PTPRN2: variants seen among roughly 807,000 people sequenced by gnomAD.
PTPRN2 encodes protein tyrosine phosphatase receptor type N2, also known as receptor-type tyrosine-protein phosphatase N2.
A neutral mutation model predicts 118.8 loss-of-function variants in PTPRN2; 74 were observed. That is an observed-to-expected ratio of 0.62 (90% CI 0.52 to 0.76). The LOEUF is 0.76. Ranked by LOEUF, PTPRN2 falls within the 30% of genes least tolerant of loss-of-function variation. The pLI, the probability that PTPRN2 is intolerant of heterozygous loss-of-function variation, is 0.00. For missense variants in PTPRN2, 1,481 were observed against 1,394.4 expected, an observed-to-expected ratio of 1.06 and a Z score of -0.99; for synonymous variants, 641 against 608.0, an observed-to-expected ratio of 1.05 and a Z score of -0.80.
rs1157415408 is a variant in PTPRN2 at position 158,127,292 on chromosome 7, T to TGCG, written c.1556+6384_1556+6385insCGC. Among the ~76,000 whole-genome samples, 1,424 of 149,910 alleles carry TGCG rather than the reference T, an allele frequency of 9.5e-3. 22 individuals are homozygous for TGCG. Among genetic ancestry groups the TGCG allele is most frequent in the African/African-American group, 0.033 (1,332 of 40,096 alleles). ...CTCATCCGTGCACCTGTGCCCTGCG[T>TGCG]CCTCCTCTGCGTGCACCCTGCGTCC... On this transcript the variant is annotated intron_variant, in intron 9 of 22. Coordinates refer to ENST00000389418, the MANE Select transcript of PTPRN2 (RefSeq NM_002847.5).
chr7:158,465,312 C>T (rs1038440020), intron 2 of PTPRN2, among the ~76,000 whole-genome samples: 6 of 152,336 alleles, frequency 3.9e-5, no homozygotes, highest in African/African-American at 1.2e-4. Context: ...TTTCCCACCC[C>T]GTGACCCCTT....
chr7:158,081,866 G>T (rs1245954003), intron 10 of PTPRN2, among the ~76,000 whole-genome samples: 1 of 152,076 alleles, frequency 6.6e-6, no homozygotes, highest in Non-Finnish European at 1.5e-5. Flanking sequence ...TTGCTAGACA[G>T]GAATTATCAA....
rs34750776 is a variant in PTPRN2, at chr7:157,587,274, G to GCAGACAGACAGGCAGA, written c.2496+7963_2496+7964insTCTGCCTGTCTGTCTG. ...GGCAGACAGACAGGCAGACAAACAG[G>GCAGACAGACAGGCAGA]CAGACAGGCAGACGAGCCACTGGTG... is the stretch of plus-strand genomic sequence containing the variant. On this transcript the variant is annotated intron_variant, in intron 17 of 22. Coordinates refer to ENST00000389418, the MANE Select transcript of PTPRN2 (RefSeq NM_002847.5). This position sits in a 1 kb window ranked among gnomAD's most constrained non-coding sequence, Gnocchi z 5.3. 5.3e-5 allele frequency among the ~76,000 whole-genome samples: 8 copies of GCAGACAGACAGGCAGA among 151,084 alleles called. No homozygotes were observed. Among genetic ancestry groups the GCAGACAGACAGGCAGA allele is most frequent in the African/African-American group, 1.7e-4 (7 of 40,752 alleles).
At chr7:157,875,210 A>C (rs1018585064) in intron 12 of PTPRN2, among the ~76,000 whole-genome samples, 2 of 152,180 alleles carry the variant, frequency 1.3e-5, no homozygotes, top group Non-Finnish European at 2.9e-5. Context: ...TTTGCTGCAA[A>C]GTTTTCCTAA....
intron 12 of PTPRN2, among the ~76,000 whole-genome samples, chr7:157,812,891 G>A (rs1238219721): frequency 6.6e-6 from 1 of 152,112 alleles, no homozygotes; most frequent in Non-Finnish European, 1.5e-5. Flanking sequence ...GTTAGGATGT[G>A]GAAAACTCGC....
At position 157,690,975 on chromosome 7, in the gene PTPRN2, C is replaced by T. The variant is rs1797455792; in HGVS notation, c.1789-8038G>A. Among the ~76,000 whole-genome samples, 1 of 145,176 alleles carries T rather than the reference C, an allele frequency of 6.9e-6. No homozygotes were observed. The highest frequency in any genetic ancestry group is 2.5e-5 in the African/African-American group (1 of 40,032). ...GCCGCGCGCGTAGCACCAACCAGCG[C>T]GGCCGCCGCGCCCCGCCTTATATCC... is the stretch of plus-strand genomic sequence containing the variant. On this transcript the variant is annotated intron_variant, in intron 12 of 22. Transcript: ENST00000389418. The surrounding 1 kb of genome is among the most constrained non-coding windows in gnomAD (Gnocchi z 7.1).
chr7:157,781,245 G>A (rs1052652671), intron 12 of PTPRN2, among the ~76,000 whole-genome samples: 2 of 152,158 alleles, frequency 1.3e-5, no homozygotes, highest in African/African-American at 2.4e-5. Context: ...ATTACACATG[G>A]GCTAGTGTTA....
chr7:158,484,233 A>G (rs960383583), intron 2 of PTPRN2, among the ~76,000 whole-genome samples: 6 of 152,174 alleles, frequency 3.9e-5, no homozygotes, highest in African/African-American at 9.7e-5. Context: ...GCCTCTCAGT[A>G]CCACCAAAGG....
chr7:157,684,118 A>T (rs745892434), intron 12 of PTPRN2, among the ~76,000 whole-genome samples: 2 of 151,960 alleles, frequency 1.3e-5, no homozygotes, highest in Non-Finnish European at 2.9e-5. Flanking sequence ...TTTATCTTGT[A>T]ATCATAAAGG....
chr7:158,182,034 GAT>G (rs1824753380), intron 5 of PTPRN2, among the ~76,000 whole-genome samples: 1 of 152,146 alleles, frequency 6.6e-6, no homozygotes, highest in Admixed American at 6.5e-5. Context: ...CAGACTTTCT[GAT>G]ATAGGCATTT....
At position 157,861,333 on chromosome 7, in the gene PTPRN2, C is replaced by G. The variant is rs374509532; in HGVS notation, c.1788+37340G>C. 1.4e-4 allele frequency among the ~76,000 whole-genome samples: 22 copies of G among 152,262 alleles called. No individual in the cohort carries two copies. Among genetic ancestry groups the G allele is most frequent in the Admixed American group, 1.4e-3 (21 of 15,294 alleles). On this transcript the variant is annotated intron_variant, in intron 12 of 22. Coordinates refer to ENST00000389418, the MANE Select transcript of PTPRN2 (RefSeq NM_002847.5). The surrounding 1 kb of genome is among the most constrained non-coding windows in gnomAD (Gnocchi z 5.8). Reference sequence around the variant, plus strand: ...GCCTGGATTGCACCGGAAGCACCTCCGGCTGGAGCTCGGCCAAGGAGCCCG... The same window carrying G: ...GCCTGGATTGCACCGGAAGCACCTCGGGCTGGAGCTCGGCCAAGGAGCCCG...
In PTPRN2 at chr7:157,544,525, A is replaced by T. The variant is rs221264; in HGVS notation, c.2977-3740T>A. 7.9e-5 allele frequency among the ~76,000 whole-genome samples: 12 copies of T among 152,174 alleles called. No individual in the cohort carries two copies. The South Asian group carries it at 2.3e-3, about 29-fold the overall frequency. ...CGCACGGGCAGCACGTGGACATGCG[A>T]GGGGCCTCCCGTCCAGTGAGGAGGG... On this transcript the variant is annotated intron_variant, in intron 22 of 22. Coordinates refer to ENST00000389418, the MANE Select transcript of PTPRN2 (RefSeq NM_002847.5).
intron 12 of PTPRN2, among the ~76,000 whole-genome samples, chr7:157,719,016 G>C (rs926063569): frequency 6.6e-6 from 1 of 151,862 alleles, no homozygotes; most frequent in African/African-American, 2.4e-5. Context: ...TCCTGCAGGC[G>C]TCTCTGGCCC....
At position 158,489,754 on chromosome 7, in the gene PTPRN2, C is replaced by G; in HGVS notation, c.144G>C (p.Ala48=). Reference sequence around the variant, plus strand: ...ACTCACCGTTCACACAGGCCTCGGACGCTCCGCAGAGGCCCTCCTCGAGCA... The same window carrying G: ...ACTCACCGTTCACACAGGCCTCGGAGGCTCCGCAGAGGCCCTCCTCGAGCA... ...GCLLEEGLCG[A]SEACVNDGVF... The change falls in exon 2 of 23, where the codon GCG becomes GCC. Residue 48 remains alanine, a synonymous_variant. Coordinates refer to ENST00000389418, the MANE Select transcript of PTPRN2 (RefSeq NM_002847.5). 6.3e-7 allele frequency: 1 copy of G among 1,583,704 alleles called. No homozygotes were observed. The highest frequency in any genetic ancestry group is 1.2e-5 in the South Asian group (1 of 86,696).
intron 2 of PTPRN2, among the ~76,000 whole-genome samples, chr7:158,469,122 T>TGCACACTCACACACA (rs1301344649): frequency 6.6e-6 from 1 of 151,844 alleles, no homozygotes; most frequent in African/African-American, 2.4e-5. Context: ...ATCAACAGTG[T>TGCACACTCACACACA]CAGGCTTTCA....
chr7:158,178,827 G>C lies in PTPRN2; in HGVS notation c.550-11536C>G, dbSNP rs150628010. 1.7e-3 allele frequency among the ~76,000 whole-genome samples: 256 copies of C among 152,102 alleles called. 2 individuals are homozygous for C. Among genetic ancestry groups the C allele is most frequent in the African/African-American group, 5.9e-3 (245 of 41,492 alleles). The stretch of plus-strand genomic sequence containing the variant: ...TTGGCCAGGATGGTCTCAATCTCTT[G>C]AGGTCATGATCCACCTGCCTCGGCC... On this transcript the variant is annotated intron_variant, in intron 5 of 22. Transcript: ENST00000389418.
intron 12 of PTPRN2, among the ~76,000 whole-genome samples, chr7:157,883,013 C>T (rs1261437676): frequency 2.0e-5 from 3 of 150,694 alleles, no homozygotes; most frequent in African/African-American, 7.3e-5. Flanking sequence ...TGTCAGAGAA[C>T]AGAACATGAC....
At chr7:158,102,905 A>G (rs1815357572) in intron 10 of PTPRN2, among the ~76,000 whole-genome samples, 3 of 152,146 alleles carry the variant, frequency 2.0e-5, no homozygotes, top group Admixed American at 2.0e-4. Context: ...CCGGGAGGAC[A>G]CACCCCCAGG....
chr7:158,123,799 A>C (rs894415468), intron 9 of PTPRN2, among the ~76,000 whole-genome samples: 3 of 152,194 alleles, frequency 2.0e-5, no homozygotes, highest in Non-Finnish European at 2.9e-5. Flanking sequence ...AGTGTGCCAA[A>C]TAGGATCGGG....
Sources: allele counts gnomAD v4.1 joint callset (sites outside exome capture counted in the v4.1 genomes callset), GRCh38; gene constraint gnomAD v4.1.1; non-coding constraint Gnocchi (gnomAD v3.1); transcripts MANE v1.5; gene names NCBI Gene and HGNC (gene_info 2026-07-23, HGNC 2026-07-21).